The following ARID5B variants were observed in gnomAD, a reference collection of about 807,000 sequenced individuals.
ARID5B encodes AT-rich interaction domain 5B, also known as AT-rich interactive domain-containing protein 5B.
In ARID5B, 13 loss-of-function variants were observed where a neutral mutation model predicts 97.2. The observed-to-expected ratio is 0.13, with a 90% CI of 0.09 to 0.21. The LOEUF is 0.21. Ranked by LOEUF, ARID5B falls within the 10% of genes least tolerant of loss-of-function variation. The pLI, the probability that ARID5B is intolerant of heterozygous loss-of-function variation, is 1.00. For missense variants in ARID5B, 1,210 were observed against 1,465.3 expected (o/e 0.83, Z 2.84); for synonymous variants, 556 against 570.3 (o/e 0.97, Z 0.36).
At chr10:61,995,584 A>G (rs1838984901) in intron 3 of ARID5B, among the ~76,000 whole-genome samples, 1 of 152,130 alleles carries the variant, frequency 6.6e-6, no homozygotes, top group Admixed American at 6.5e-5. Context: ...CCCAAACTCA[A>G]AATTTTATAC....
intron 3 of ARID5B, among the ~76,000 whole-genome samples, chr10:61,979,867 G>A (rs915832649): frequency 2.6e-5 from 4 of 152,174 alleles, no homozygotes; most frequent in Non-Finnish European, 4.4e-5. Context: ...CAAGGTAGGC[G>A]TATCACCTGA....
At chr10:61,936,104 A>G (rs375006208) in intron 2 of ARID5B, among the ~76,000 whole-genome samples, 1 of 152,220 alleles carries the variant, frequency 6.6e-6, no homozygotes, top group Admixed American at 6.5e-5. Context: ...TTGAAAACCA[A>G]TGATATAACA....
intron 4 of ARID5B, among the ~76,000 whole-genome samples, chr10:62,011,223 A>G (rs1457575715): frequency 6.6e-6 from 1 of 152,206 alleles, no homozygotes; most frequent in African/African-American, 2.4e-5. Context: ...TCTTTGAAGT[A>G]GGAGATCAAA....
At chr10:61,960,015 C>T (rs1333121595) in intron 3 of ARID5B, among the ~76,000 whole-genome samples, 1 of 152,186 alleles carries the variant, frequency 6.6e-6, no homozygotes, top group East Asian at 1.9e-4. Context: ...CCTTTAAGAA[C>T]ACAGAACCAT....
At chr10:61,940,616 G>T (rs752905575) in intron 3 of ARID5B, among the ~76,000 whole-genome samples, 5 of 151,984 alleles carry the variant, frequency 3.3e-5, no homozygotes, top group Non-Finnish European at 7.4e-5. Context: ...TTTATGTATG[G>T]ACCCTTGTGC....
chr10:62,043,444 G>A (rs879330909), intron 4 of ARID5B, among the ~76,000 whole-genome samples: 9 of 152,144 alleles, frequency 5.9e-5, no homozygotes, highest in East Asian at 1.9e-4. Flanking sequence ...TTTAAATAAC[G>A]TGATCATTTA....
At chr10:62,089,415 C>G (rs1187921992) in intron 9 of ARID5B, among the ~76,000 whole-genome samples, 1 of 152,060 alleles carries the variant, frequency 6.6e-6, no homozygotes, top group African/African-American at 2.4e-5. Flanking sequence ...CCAGCATCCT[C>G]AATCTTACCC....
chr10:62,003,458 T>TA (rs761932786), intron 4 of ARID5B, among the ~76,000 whole-genome samples: 1 of 152,204 alleles, frequency 6.6e-6, no homozygotes, highest in Non-Finnish European at 1.5e-5. Context: ...ATTTCTAATT[T>TA]AAAAAACTAT....
chr10:61,935,740 T>C (rs145084193), intron 2 of ARID5B, among the ~76,000 whole-genome samples: 206 of 152,200 alleles, frequency 1.4e-3, no homozygotes, highest in Non-Finnish European at 2.5e-3. Context: ...AAAAATAAAA[T>C]AAAATAGCAA....
At chr10:61,935,436 A>C (rs749854849) in intron 2 of ARID5B, among the ~76,000 whole-genome samples, 2 of 152,098 alleles carry the variant, frequency 1.3e-5, no homozygotes, top group African/African-American at 2.4e-5. Context: ...TCTCAAAGGC[A>C]TTATTCTTTG....
intron 4 of ARID5B, among the ~76,000 whole-genome samples, chr10:62,005,855 AAAC>A (rs1299902491): frequency 1.3e-5 from 2 of 152,228 alleles, no homozygotes; most frequent in African/African-American, 4.8e-5. Flanking sequence ...GTAAGTGAGT[AAAC>A]ATTTTTTTCC....
chr10:61,919,428 T>C (rs1039723344), intron 2 of ARID5B, among the ~76,000 whole-genome samples: 6 of 152,070 alleles, frequency 3.9e-5, no homozygotes, highest in African/African-American at 1.4e-4. Flanking sequence ...CTCTGAAAGA[T>C]GCAAAAAGCA....
intron 4 of ARID5B, among the ~76,000 whole-genome samples, chr10:62,019,808 T>C (rs1839331910): frequency 6.6e-6 from 1 of 152,214 alleles, no homozygotes; most frequent in Non-Finnish European, 1.5e-5. Context: ...TTTAAGACCT[T>C]TCCAAAACAA....
intron 1 of ARID5B, among the ~76,000 whole-genome samples, 185 bp from the exon 2 acceptor site, chr10:61,901,974 T>G (rs1373371451): frequency 2.2e-4 from 11 of 49,552 alleles, no homozygotes; most frequent in South Asian, 1.7e-3. Context: ...GGGCCCTGAG[T>G]TTTTTTTTTT....
rs1360498816 is a variant in ARID5B at position 62,091,227 on chromosome 10, T to G, written c.1764T>G (p.Ser588Arg). The change falls in exon 10 of 10, where the codon AGT becomes AGG. Residue 588 changes from serine to arginine, a missense_variant. Coordinates refer to ENST00000279873, the MANE Select transcript of ARID5B (RefSeq NM_032199.3). ...GCTGTTTTACAGAGAGCCCTGAAAGTGAACCCCAAGAAGCATCCTTCCCCA... is the reference window on the plus strand; with the variant it reads ...GCTGTTTTACAGAGAGCCCTGAAAGGGAACCCCAAGAAGCATCCTTCCCCA... ...KLCCFTESPESEPQEASFPSF... is the reference protein window; with the variant it reads ...KLCCFTESPEREPQEASFPSF... The G allele has an allele frequency of 6.2e-7, 1 of 1,613,978 alleles. No individual in the cohort carries two copies. Among genetic ancestry groups the G allele is most frequent in the Non-Finnish European group, 8.5e-7 (1 of 1,179,996 alleles).
At chr10:61,921,726 A>G (rs1399237025) in intron 2 of ARID5B, among the ~76,000 whole-genome samples, 2 of 152,214 alleles carry the variant, frequency 1.3e-5, no homozygotes, top group Non-Finnish European at 2.9e-5. Flanking sequence ...GAGGCCACCT[A>G]TTACAGCTGG....
chr10:61,979,844 C>A (rs536913296), intron 3 of ARID5B, among the ~76,000 whole-genome samples: 1 of 152,106 alleles, frequency 6.6e-6, no homozygotes, highest in Non-Finnish European at 1.5e-5. Flanking sequence ...GTAATCCCAG[C>A]ACTTTGGGAG....
intron 8 of ARID5B, among the ~76,000 whole-genome samples, chr10:62,075,492 C>G (rs1367598474): frequency 6.6e-6 from 1 of 152,218 alleles, no homozygotes; most frequent in Non-Finnish European, 1.5e-5. Context: ...TTACTCTGCT[C>G]TACACACTCT....
At chr10:62,034,305 G>T (rs376685291) in intron 4 of ARID5B, among the ~76,000 whole-genome samples, 2 of 152,328 alleles carry the variant, frequency 1.3e-5, no homozygotes, top group East Asian at 3.9e-4. Context: ...CAAGCTCACT[G>T]TATTTTCTTC....
Sources: allele counts gnomAD v4.1 joint callset (sites outside exome capture counted in the v4.1 genomes callset), GRCh38; gene constraint gnomAD v4.1.1; transcripts MANE v1.5; gene names NCBI Gene and HGNC (gene_info 2026-07-23, HGNC 2026-07-21).